DNAH1: variants seen among roughly 807,000 people sequenced by gnomAD.
DNAH1 encodes the protein axonemal beta dynein heavy chain 1.
DNAH1 carries 327 observed loss-of-function variants against 484.3 expected under a neutral mutation model. That is an observed-to-expected ratio of 0.68 (90% CI 0.62 to 0.74). The LOEUF (loss-of-function observed/expected upper bound fraction) is 0.74, where lower values mean the gene tolerates loss of function less well. DNAH1 is among the 30% of genes least tolerant of loss of function. The pLI, the probability that DNAH1 is intolerant of heterozygous loss-of-function variation, is 0.00. For missense variants in DNAH1, 5,052 were observed against 5,546.8 expected, an observed-to-expected ratio of 0.91 and a Z score of 2.83; for synonymous variants, 2,192 against 2,191.9, an observed-to-expected ratio of 1.00 and a Z score of 0.00.
chr3:52,378,485 G>A (rs1402407087), intron 46 of DNAH1, 117 bp from the exon 47 acceptor site: 3 of 1,139,250 alleles, frequency 2.6e-6, no homozygotes, highest in Non-Finnish European at 3.8e-6. Context: ...AAGCCTGAAG[G>A]CTGGGGAAGG....
chr3:52,384,380 T>G (rs927194752), intron 52 of DNAH1, among the ~76,000 whole-genome samples: 5 of 152,252 alleles, frequency 3.3e-5, no homozygotes, highest in South Asian at 4.1e-4. Context: ...AGTCCCAACA[T>G]TTCCCTACCA....
upstream of DNAH1, among the ~76,000 whole-genome samples, chr3:52,313,554 A>G (rs1700860611): frequency 6.6e-6 from 1 of 152,110 alleles, no homozygotes; most frequent in Non-Finnish European, 1.5e-5. Context: ...AGAGTATGGG[A>G]GCAGATTGCC....
Position 52,361,556 on chromosome 3 carries a change from C to T in DNAH1, c.4875-105C>T. ...GAAGACTGAGCTGATGGAGATTGCC[C>T]CTGAGGGCTTCCTCCCAAGTGGAGT... On this transcript the variant is annotated intron_variant, in intron 29 of 77. Transcript: ENST00000420323. This position sits in a 1 kb window ranked among gnomAD's most constrained non-coding sequence, Gnocchi z 5.6. 7.4e-7 allele frequency: 1 copy of T among 1,342,314 alleles called. No individual in the cohort carries two copies. The allele number at this position is 1,342,314 out of a possible 1,614,324, so 83.2% of individuals were successfully genotyped here. A position where few individuals can be genotyped will look rare whatever the true frequency, so the allele number is the denominator to read the frequency against.
rs1256353798 is a variant in DNAH1, at chr3:52,382,301, C to T, written c.7806-19C>T. 1 of 1,613,994 alleles carries T rather than the reference C, an allele frequency of 6.2e-7. No homozygotes were observed. On this transcript the variant is annotated intron_variant, in intron 49 of 77. Coordinates refer to ENST00000420323, the MANE Select transcript of DNAH1 (RefSeq NM_015512.5). ...GCCCCAAGTCCCTGGCATGCTTCAA[C>T]CCAAACTTCTGCCTCCAGGGCCGAG...
At chr3:52,348,439 C>T (rs1702232969) in intron 12 of DNAH1, among the ~76,000 whole-genome samples, 1 of 152,186 alleles carries the variant, frequency 6.6e-6, no homozygotes, top group Admixed American at 6.5e-5. Context: ...ACATACAGAC[C>T]CTCTGTCCAA....
chr3:52,396,397 C>T lies in DNAH1; in HGVS notation c.11289C>T (p.Thr3763=), dbSNP rs765642731. 2 of 1,585,722 alleles carry T rather than the reference C, an allele frequency of 1.3e-6. No individual in the cohort carries two copies. Among genetic ancestry groups the T allele is most frequent in the Non-Finnish European group, 1.7e-6 (2 of 1,166,570 alleles). The change falls in exon 71 of 78, where the codon ACC becomes ACT. Residue 3763 remains threonine (T), a synonymous_variant. Coordinates refer to ENST00000420323, the MANE Select transcript of DNAH1 (RefSeq NM_015512.5). ...ACAGGGACTTCCGCCTCTGGCTCAC[C>T]AGCCTGCCCAGCAACAAGTTCCCAG... The part of the protein sequence containing the change: ...KVHRDFRLWL[T]SLPSNKFPVS...
chr3:52,337,165 GGTATTTT>G (rs1298154985), intron 8 of DNAH1, among the ~76,000 whole-genome samples: 1 of 152,090 alleles, frequency 6.6e-6, no homozygotes, highest in African/African-American at 2.4e-5. Flanking sequence ...TGTATTCCTA[GGTATTTT>G]GTGTGTGTGT....
At position 52,384,006 on chromosome 3, in the gene DNAH1, C is replaced by A; in HGVS notation, c.8297C>A (p.Ser2766Tyr). 1 of 1,608,530 alleles carries A rather than the reference C, an allele frequency of 6.2e-7. No individual in the cohort carries two copies. The highest frequency in any genetic ancestry group is 1.1e-5 in the South Asian group (1 of 89,926). ...VFLNEIPELE[S>Y]SQEEIQGLIQ... ...CTCAATGAGATCCCAGAACTGGAAT[C>A]CTCCCAGGAAGAAATCCAAGGACTG... Residue 2766 changes from serine to tyrosine, a missense_variant, in exon 52 of 78, where the codon TCC becomes TAC. Physicochemically the swap from Ser to Tyr is moderately radical, Grantham distance 144. Around this residue, in one of 4 missense-constraint regions of DNAH1, gnomAD observed 2,929 missense variants for 3,409.4 expected, o/e 0.86. Transcript: ENST00000420323.
At position 52,322,394 on chromosome 3, in the gene DNAH1, G is replaced by C; in HGVS notation, c.-34-15G>C. ...AGGCTGGCAAGGGCTGACTGACGCT[G>C]GGTTCTTCTCCTAGGAGCTTCGGCT... On this transcript the variant is annotated splice_polypyrimidine_tract_variant and intron_variant, in intron 1 of 77. Transcript: ENST00000420323. 6.4e-7 allele frequency: 1 copy of C among 1,554,446 alleles called. No homozygotes were observed.
chr3:52,334,202 A>C (rs763256874), intron 8 of DNAH1, among the ~76,000 whole-genome samples: 1 of 152,222 alleles, frequency 6.6e-6, no homozygotes, highest in Non-Finnish European at 1.5e-5. Context: ...GTGATTACTG[A>C]ATACTGCAGG....
In DNAH1 at chr3:52,381,840, A is replaced by C; in HGVS notation, c.7805+4A>C. 1 of 1,580,766 alleles carries C rather than the reference A, an allele frequency of 6.3e-7. No individual in the cohort carries two copies. Among genetic ancestry groups the C allele is most frequent in the South Asian group, 1.2e-5 (1 of 86,434 alleles). ...TCACAAGGCTCGCCTCGCACATGTGAGCGCCTCCAGGGCGTGCTGGGCAGT... is the reference window on the plus strand; with the variant it reads ...TCACAAGGCTCGCCTCGCACATGTGCGCGCCTCCAGGGCGTGCTGGGCAGT... On this transcript the variant is annotated splice_donor_region_variant and intron_variant, in intron 49 of 77. Coordinates refer to ENST00000420323, the MANE Select transcript of DNAH1 (RefSeq NM_015512.5). This position sits in a 1 kb window ranked among gnomAD's most constrained non-coding sequence, Gnocchi z 4.1.
At chr3:52,360,604 G>C (rs993191108) in intron 28 of DNAH1, among the ~76,000 whole-genome samples, 180 bp downstream of exon 28, 1 of 152,148 alleles carries the variant, frequency 6.6e-6, no homozygotes, top group Non-Finnish European at 1.5e-5. Flanking sequence ...GAGTGACTTC[G>C]GGCAGGTGAC....
At chr3:52,330,059 C>G (rs1253217925) in intron 6 of DNAH1, among the ~76,000 whole-genome samples, 2 of 152,142 alleles carry the variant, frequency 1.3e-5, no homozygotes, top group East Asian at 1.9e-4. Context: ...ATCCGCCCAC[C>G]TCTGCCTCCC....
chr3:52,381,840 A>T lies in DNAH1; in HGVS notation c.7805+4A>T. 1 of 1,580,766 alleles carries T rather than the reference A, an allele frequency of 6.3e-7. No individual in the cohort carries two copies. The highest frequency in any genetic ancestry group is 1.3e-5 in the African/African-American group (1 of 74,318). ...TCACAAGGCTCGCCTCGCACATGTG[A>T]GCGCCTCCAGGGCGTGCTGGGCAGT... On this transcript the variant is annotated splice_donor_region_variant and intron_variant, in intron 49 of 77. Coordinates refer to ENST00000420323, the MANE Select transcript of DNAH1 (RefSeq NM_015512.5). The surrounding 1 kb of genome is among the most constrained non-coding windows in gnomAD (Gnocchi z 4.1).
chr3:52,359,418 C>A, intron 26 of DNAH1, 32 bp downstream of exon 26: 2 of 1,558,608 alleles, frequency 1.3e-6, no homozygotes, highest in Non-Finnish European at 1.7e-6. Context: ...GTCTGTCCCC[C>A]TCCACCCCCT....
chr3:52,370,612 A>G lies in DNAH1; in HGVS notation c.6394A>G (p.Arg2132Gly). Residue 2132 changes from arginine (R) to glycine (G), a missense_variant, in exon 40 of 78, where the codon AGG becomes GGG. By Grantham distance (125) the Arg-to-Gly change is moderately radical (BLOSUM62 -2). Coordinates refer to ENST00000420323, the MANE Select transcript of DNAH1 (RefSeq NM_015512.5). ...SGRTSFSHWL[R>G]LKMENEQLTL... Reference sequence around the variant, plus strand: ...CCGCACCAGTTTCAGCCACTGGCTAAGGCTCAAGATGGAGAACGAACAGGT... The same window carrying G: ...CCGCACCAGTTTCAGCCACTGGCTAGGGCTCAAGATGGAGAACGAACAGGT... 1 of 1,612,520 alleles carries G rather than the reference A, an allele frequency of 6.2e-7. No individual in the cohort carries two copies. Among genetic ancestry groups the G allele is most frequent in the Non-Finnish European group, 8.5e-7 (1 of 1,179,260 alleles).
intron 75 of DNAH1, 45 bp from the exon 76 acceptor site, chr3:52,398,805 C>T (rs201500363): frequency 2.6e-5 from 37 of 1,439,900 alleles, no homozygotes; most frequent in African/African-American, 2.3e-4. Flanking sequence ...GCTACTGCCA[C>T]GTGACCCCAG....
intron 53 of DNAH1, 98 bp from the exon 54 acceptor site, chr3:52,385,239 G>A (rs1704047805): frequency 1.6e-6 from 2 of 1,279,910 alleles, no homozygotes; most frequent in Non-Finnish European, 2.2e-6. Context: ...GAAGCTGCCG[G>A]CCACAGCTTC....
intron 4 of DNAH1, 125 bp downstream of exon 4, chr3:52,326,439 C>A (rs1033283355): frequency 1.6e-6 from 2 of 1,226,258 alleles, no homozygotes; most frequent in East Asian, 2.5e-5. Context: ...GTGTTTAGAT[C>A]GAATCTTCTA....
Sources: allele counts gnomAD v4.1 joint callset (sites outside exome capture counted in the v4.1 genomes callset), GRCh38; gene constraint gnomAD v4.1.1; regional missense constraint gnomAD v4.1.1; non-coding constraint Gnocchi (gnomAD v3.1); transcripts MANE v1.5; gene names NCBI Gene and HGNC (gene_info 2026-07-23, HGNC 2026-07-21).